Variants in PPP1R13B observed in about 807,000 individuals in gnomAD.
The protein encoded by PPP1R13B is apoptosis-stimulating of p53 protein 1.
Under a neutral mutation model 119.8 loss-of-function variants are expected in PPP1R13B, and 44 were observed. The observed-to-expected ratio is 0.37, with a 90% CI of 0.29 to 0.47. The LOEUF (loss-of-function observed/expected upper bound fraction) is 0.47, where lower values mean the gene tolerates loss of function less well. Ranked by LOEUF, PPP1R13B falls within the 20% of genes least tolerant of loss-of-function variation. PPP1R13B has a pLI of 0.99. For synonymous variants in PPP1R13B, 542 were observed against 561.5 expected, an observed-to-expected ratio of 0.97 and a Z score of 0.49; for missense variants, 1,227 against 1,413.5, an observed-to-expected ratio of 0.87 and a Z score of 2.12.
rs1323071270 is a variant in PPP1R13B, at chr14:103,734,979, A to C, written c.*175T>G. 2.6e-6 allele frequency: 2 copies of C among 772,944 alleles called. No homozygotes were observed. Among genetic ancestry groups the C allele is most frequent in the Middle Eastern group, 4.5e-4 (2 of 4,480 alleles). 47.9% of individuals were successfully genotyped at this position (772,944 alleles called of 1,614,324 possible). On this transcript the variant is annotated 3_prime_UTR_variant, in exon 17 of 17. Coordinates refer to ENST00000202556, the MANE Select transcript of PPP1R13B (RefSeq NM_015316.3). The stretch of plus-strand genomic sequence containing the variant: ...AAAGTACCTCTCCCAGTTAATGGGC[A>C]AACTGGAGAAAGGGCCTCACCTGGA...
intron 1 of PPP1R13B, among the ~76,000 whole-genome samples, chr14:103,806,885 A>T (rs1020219857): frequency 6.6e-6 from 1 of 151,974 alleles, no homozygotes; most frequent in Non-Finnish European, 1.5e-5. Flanking sequence ...AGCCACCACC[A>T]CCTCTCAGAA....
intron 1 of PPP1R13B, among the ~76,000 whole-genome samples, chr14:103,808,661 G>A (rs2086075179): frequency 6.6e-6 from 1 of 151,970 alleles, no homozygotes; most frequent in Admixed American, 6.6e-5. Flanking sequence ...CAAATTTTAG[G>A]GATGAAGAAT....
At chr14:103,757,209 G>A (rs552150277) in intron 5 of PPP1R13B, among the ~76,000 whole-genome samples, 1 of 152,142 alleles carries the variant, frequency 6.6e-6, no homozygotes, top group Non-Finnish European at 1.5e-5. Context: ...ACAGCCACAT[G>A]CCACCATGCC....
intron 12 of PPP1R13B, 148 bp downstream of exon 12, chr14:103,739,676 G>T: frequency 1.0e-6 from 1 of 974,164 alleles, no homozygotes; most frequent in African/African-American, 1.6e-5. Flanking sequence ...TTGTCTGTGT[G>T]ACTGTCCGTC....
At chr14:103,806,459 T>C (rs924287153) in intron 1 of PPP1R13B, among the ~76,000 whole-genome samples, 4 of 152,110 alleles carry the variant, frequency 2.6e-5, no homozygotes, top group Non-Finnish European at 5.9e-5. Context: ...TATGAGTAAA[T>C]AGCTCATAAA....
At chr14:103,808,405 C>T (rs908395336) in intron 1 of PPP1R13B, among the ~76,000 whole-genome samples, 1 of 151,998 alleles carries the variant, frequency 6.6e-6, no homozygotes, top group African/African-American at 2.4e-5. Context: ...TTGTCTTGGG[C>T]TACACATAAA....
At chr14:103,796,824 G>A (rs1322784745) in intron 2 of PPP1R13B, among the ~76,000 whole-genome samples, 1 of 152,108 alleles carries the variant, frequency 6.6e-6, no homozygotes, top group African/African-American at 2.4e-5. Context: ...CAGGCGTGGT[G>A]GTGCGCGCCT....
At chr14:103,737,460 C>T in intron 15 of PPP1R13B, 1 of 444,332 alleles carries the variant, frequency 2.3e-6, no homozygotes, top group Non-Finnish European at 3.9e-6. Flanking sequence ...CCTGTAGTCC[C>T]AGCTACTTGG....
At chr14:103,808,836 C>T (rs1246000258) in intron 1 of PPP1R13B, among the ~76,000 whole-genome samples, 6 of 151,946 alleles carry the variant, frequency 3.9e-5, no homozygotes, top group African/African-American at 1.5e-4. Flanking sequence ...AACCCTCTTA[C>T]GAAGGCAGAG....
intron 1 of PPP1R13B, among the ~76,000 whole-genome samples, chr14:103,797,811 T>C (rs1307018811): frequency 6.6e-6 from 1 of 151,812 alleles, no homozygotes; most frequent in African/African-American, 2.4e-5. Flanking sequence ...GGCAAAGTCA[T>C]ACCCCAGAAA....
At chr14:103,787,255 C>T (rs930189179) in intron 2 of PPP1R13B, among the ~76,000 whole-genome samples, 1 of 151,244 alleles carries the variant, frequency 6.6e-6, no homozygotes, top group African/African-American at 2.4e-5. Context: ...TCAAGACCAG[C>T]CTGGACAACA....
rs556135274 is a variant in PPP1R13B at position 103,756,181 on chromosome 14, A to G, written c.456+1469T>C. Among the ~76,000 whole-genome samples, 4 of 151,800 alleles carry G rather than the reference A, an allele frequency of 2.6e-5. No homozygotes were observed. The South Asian group carries it at 6.2e-4, about 24-fold the overall frequency. ...GCGATCTCAGCTCACTGCAACCTCC[A>G]CCGCCGGCTTCAAGAGATTCTCCTG... On this transcript the variant is annotated intron_variant, in intron 5 of 16. Transcript: ENST00000202556.
chr14:103,777,381 G>A (rs1426848028), intron 4 of PPP1R13B, among the ~76,000 whole-genome samples: 1 of 152,146 alleles, frequency 6.6e-6, no homozygotes, highest in Non-Finnish European at 1.5e-5. Flanking sequence ...ATACCACAAT[G>A]ATGGAGGAAG....
chr14:103,778,278 T>C (rs1454206483), intron 4 of PPP1R13B, among the ~76,000 whole-genome samples: 2 of 146,476 alleles, frequency 1.4e-5, no homozygotes, highest in Non-Finnish European at 3.0e-5. Context: ...TTTTTTTTTT[T>C]TTTTTGACAC....
intron 4 of PPP1R13B, among the ~76,000 whole-genome samples, chr14:103,772,886 C>T (rs1262523308): frequency 6.6e-6 from 1 of 152,066 alleles, no homozygotes; most frequent in Non-Finnish European, 1.5e-5. Flanking sequence ...AGGCTGGTCT[C>T]GAACTCCTGA....
In PPP1R13B at chr14:103,738,335, A is replaced by G; in HGVS notation, c.2864+344T>C. The G allele has an allele frequency of 3.0e-6, 1 of 329,184 alleles. No individual in the cohort carries two copies. Among genetic ancestry groups the G allele is most frequent in the South Asian group, 3.9e-5 (1 of 25,764 alleles). The allele number at this position is 329,184 out of a possible 1,614,324, so 20.4% of individuals were successfully genotyped here. On this transcript the variant is annotated intron_variant, in intron 14 of 16. Transcript: ENST00000202556. This position sits in a 1 kb window ranked among gnomAD's most constrained non-coding sequence, Gnocchi z 5.6. ...CAACCTACATGCCTGACCCAGGGGG[A>G]TGCTGAGGCTGCTTTTCACACGGAG...
At chr14:103,839,378 A>G (rs903872174) in intron 1 of PPP1R13B, among the ~76,000 whole-genome samples, 4 of 151,962 alleles carry the variant, frequency 2.6e-5, no homozygotes, top group African/African-American at 9.7e-5. Context: ...TGTTAACCCC[A>G]GCACTTTGGG....
In PPP1R13B at chr14:103,784,828, G is replaced by T. The variant is rs779640763; in HGVS notation, c.244C>A (p.His82Asn). The stretch of plus-strand genomic sequence containing the variant: ...CTGTTCTCAGTTGGGGAGTCCTCGT[G>T]TCGAAGGAAAAATTTCACTTCTTCC... ...RREEVKFFLR[H>N]EDSPTENSEQ... Residue 82 changes from histidine (H) to asparagine (N), a missense_variant, in exon 3 of 17, where the codon CAC (histidine) becomes AAC (asparagine). Physicochemically the swap from His to Asn is moderately conservative, Grantham distance 68. Coordinates refer to ENST00000202556, the MANE Select transcript of PPP1R13B (RefSeq NM_015316.3). The T allele has an allele frequency of 1.2e-6, 2 of 1,609,756 alleles. No homozygotes were observed. Among genetic ancestry groups the T allele is most frequent in the Non-Finnish European group, 1.7e-6 (2 of 1,176,828 alleles).
chr14:103,841,040 G>A (rs939623473), intron 1 of PPP1R13B, among the ~76,000 whole-genome samples: 1 of 151,744 alleles, frequency 6.6e-6, no homozygotes, highest in Admixed American at 6.6e-5. Flanking sequence ...TAATCCCAAC[G>A]CTTTGGGAAG....
Sources: gnomAD v4.1 joint callset for allele counts (sites outside exome capture counted in the v4.1 genomes callset) on GRCh38, gnomAD v4.1.1 for gene constraint, Gnocchi (gnomAD v3.1) non-coding constraint, MANE v1.5 for transcripts, NCBI Gene and HGNC (gene_info 2026-07-23, HGNC 2026-07-21) for gene names.